Variants in CDK6 observed in about 807,000 individuals in gnomAD.
The protein encoded by CDK6 is cyclin dependent kinase 6.
In CDK6, 6 loss-of-function variants were observed where a neutral mutation model predicts 37.1. The ratio of observed to expected loss-of-function variants is 0.16; its 90% CI spans 0.09 to 0.32. The LOEUF is 0.32. Ranked by LOEUF, CDK6 falls within the 10% of genes least tolerant of loss-of-function variation. The pLI is 1.00. For missense variants in CDK6, 224 were observed against 418.9 expected, an observed-to-expected ratio of 0.53 and a Z score of 4.06; for synonymous variants, 160 against 161.3, an observed-to-expected ratio of 0.99 and a Z score of 0.06.
rs1409633445 is a variant in CDK6 at position 92,613,220 on chromosome 7, T to C, written c.*1920A>G. 4.3e-6 allele frequency: 1 copy of C among 233,138 alleles called. No individual in the cohort carries two copies. The highest frequency in any genetic ancestry group is 8.5e-6 in the Non-Finnish European group (1 of 118,048). 14.4% of individuals were successfully genotyped at this position (233,138 alleles called of 1,614,324 possible). A position where few individuals can be genotyped will look rare whatever the true frequency, so the allele number is the denominator to read the frequency against. ...GCTCTTCAGGAGAAACATCTCCTAG[T>C]TTTTTCTCTTGTTCAAGATAGTCAT... On this transcript the variant is annotated 3_prime_UTR_variant, in exon 8 of 8. Transcript: ENST00000424848.
At chr7:92,810,709 A>G (rs1800858116) in intron 2 of CDK6, among the ~76,000 whole-genome samples, 1 of 152,234 alleles carries the variant, frequency 6.6e-6, no homozygotes, top group Non-Finnish European at 1.5e-5. Flanking sequence ...GTGACATAAG[A>G]AGATAAACAG....
chr7:92,833,056 G>A lies in CDK6; in HGVS notation c.233+35C>T. 3 of 1,450,170 alleles carry A rather than the reference G, an allele frequency of 2.1e-6. No homozygotes were observed. Among genetic ancestry groups the A allele is most frequent in the Non-Finnish European group, 2.8e-6 (3 of 1,071,614 alleles). 89.8% of individuals were successfully genotyped at this position (1,450,170 alleles called of 1,614,324 possible). A position where few individuals can be genotyped will look rare whatever the true frequency, so the allele number is the denominator to read the frequency against. On this transcript the variant is annotated intron_variant, in intron 2 of 7. Transcript: ENST00000424848. This position sits in a 1 kb window ranked among gnomAD's most constrained non-coding sequence, Gnocchi z 6.1. ...GCTCGGCCCTCCCCGCGCGCGCGAG[G>A]CCCCAGATGGCGAGGGCGCAGCTCC...
chr7:92,654,110 C>A (rs1796636589), intron 5 of CDK6, among the ~76,000 whole-genome samples: 1 of 151,852 alleles, frequency 6.6e-6, no homozygotes, highest in African/African-American at 2.4e-5. Context: ...GTGCTATATA[C>A]TCAGTTTCCT....
chr7:92,676,388 T>A (rs923014038), intron 4 of CDK6, among the ~76,000 whole-genome samples: 27 of 152,304 alleles, frequency 1.8e-4, no homozygotes, highest in African/African-American at 6.5e-4. Context: ...GGATTTATTG[T>A]TGTTTTCTTT....
chr7:92,735,716 AC>A (rs1313469362), intron 3 of CDK6, among the ~76,000 whole-genome samples: 2 of 152,194 alleles, frequency 1.3e-5, no homozygotes, highest in East Asian at 1.9e-4. Flanking sequence ...TGGATGAATC[AC>A]CCAATAGTCT....
intron 3 of CDK6, among the ~76,000 whole-genome samples, chr7:92,728,356 T>A (rs1443077735): frequency 6.6e-6 from 1 of 152,206 alleles, no homozygotes; most frequent in Non-Finnish European, 1.5e-5. Context: ...TGTATAAGTA[T>A]ATTTAAGTAA....
intron 2 of CDK6, among the ~76,000 whole-genome samples, chr7:92,786,600 G>T (rs1201591298): frequency 6.7e-6 from 1 of 149,118 alleles, no homozygotes; most frequent in Non-Finnish European, 1.5e-5. Context: ...CCTTTCTGAA[G>T]AATAATCTGG....
intron 3 of CDK6, among the ~76,000 whole-genome samples, chr7:92,762,352 C>T (rs555566049): frequency 3.0e-4 from 45 of 152,206 alleles, no homozygotes; most frequent in African/African-American, 7.2e-4. Context: ...CCCATCCTCC[C>T]GACCCGGAAT....
At chr7:92,733,556 T>C (rs1301015816) in intron 3 of CDK6, among the ~76,000 whole-genome samples, 2 of 152,198 alleles carry the variant, frequency 1.3e-5, no homozygotes, top group Non-Finnish European at 2.9e-5. Context: ...TGCATGTAGA[T>C]CTATTGGCAA....
intron 2 of CDK6, among the ~76,000 whole-genome samples, chr7:92,799,141 C>T (rs944341786): frequency 6.6e-6 from 1 of 152,168 alleles, no homozygotes; most frequent in Non-Finnish European, 1.5e-5. Flanking sequence ...CCATGTCCCC[C>T]AATTTACTGA....
At chr7:92,643,284 A>G (rs1028692428) in intron 5 of CDK6, among the ~76,000 whole-genome samples, 3 of 152,236 alleles carry the variant, frequency 2.0e-5, no homozygotes, top group Non-Finnish European at 2.9e-5. Flanking sequence ...GTTCTAAGAA[A>G]AGAAAGAGGT....
At chr7:92,615,723 T>C (rs1795661196) in intron 7 of CDK6, among the ~76,000 whole-genome samples, 1 of 152,192 alleles carries the variant, frequency 6.6e-6, no homozygotes, top group Non-Finnish European at 1.5e-5. Context: ...AGGGGACCAT[T>C]AGATTCAGTT....
Position 92,615,093 on chromosome 7 carries a change from AC to A in CDK6, c.*46del. On this transcript the variant is annotated 3_prime_UTR_variant, in exon 8 of 8. Transcript: ENST00000424848. ...GCTTGCTGAGGGGGACCCATAAGCC[AC>A]CAAGGGTGTTCTCCGCAGGATCAGC... 6.2e-7 allele frequency: 1 copy of A among 1,607,986 alleles called. No individual in the cohort carries two copies. Among genetic ancestry groups the A allele is most frequent in the Non-Finnish European group, 8.5e-7 (1 of 1,176,700 alleles).
chr7:92,821,577 A>G (rs1489876431), intron 2 of CDK6, among the ~76,000 whole-genome samples: 6 of 151,994 alleles, frequency 3.9e-5, no homozygotes, highest in African/African-American at 1.5e-4. Flanking sequence ...CTTTATTAAC[A>G]ACTTCCTTGA....
chr7:92,663,657 C>A lies in CDK6; in HGVS notation c.647+7769G>T, dbSNP rs574313765. On this transcript the variant is annotated intron_variant, in intron 5 of 7. Coordinates refer to ENST00000424848, the MANE Select transcript of CDK6 (RefSeq NM_001145306.2). ...CGGAGGTTGCAGTGAGCCGAGATTG[C>A]ACCACTGCACTCCAGCCTGGGCAAC... Among the ~76,000 whole-genome samples, 461 of 149,994 alleles carry A rather than the reference C, an allele frequency of 3.1e-3. 2 individuals carry two copies. The highest frequency in any genetic ancestry group is 4.7e-3 in the Non-Finnish European group (317 of 67,358).
intron 2 of CDK6, among the ~76,000 whole-genome samples, chr7:92,810,165 A>G (rs1359598279): frequency 6.6e-6 from 1 of 152,186 alleles, no homozygotes; most frequent in Non-Finnish European, 1.5e-5. Flanking sequence ...ATCATTTACT[A>G]TCTGTCAGAA....
intron 3 of CDK6, among the ~76,000 whole-genome samples, chr7:92,726,806 A>G (rs1047127492): frequency 6.6e-6 from 1 of 152,214 alleles, no homozygotes; most frequent in African/African-American, 2.4e-5. Context: ...TTATCAAATC[A>G]ATGAACAAAT....
At chr7:92,660,734 T>TG (rs1737493312) in intron 5 of CDK6, among the ~76,000 whole-genome samples, 1 of 152,048 alleles carries the variant, frequency 6.6e-6, no homozygotes, top group Non-Finnish European at 1.5e-5. Context: ...CCACAGGACT[T>TG]GGATACAGAA....
intron 2 of CDK6, among the ~76,000 whole-genome samples, chr7:92,812,199 T>C (rs143829139): frequency 6.6e-6 from 1 of 152,192 alleles, no homozygotes; most frequent in East Asian, 1.9e-4. Flanking sequence ...GAGACATCAC[T>C]TAATATGTGT....
Sources: allele counts gnomAD v4.1 joint callset (sites outside exome capture counted in the v4.1 genomes callset), GRCh38; gene constraint gnomAD v4.1.1; non-coding constraint Gnocchi (gnomAD v3.1); transcripts MANE v1.5; gene names NCBI Gene and HGNC (gene_info 2026-07-23, HGNC 2026-07-21).